The following ZNF69 variants were observed in gnomAD, a reference collection of about 807,000 sequenced individuals.
The protein encoded by ZNF69 is zinc finger protein 69.
In ZNF69, 47 loss-of-function variants were observed where a neutral mutation model predicts 50.9. The ratio of observed to expected loss-of-function variants is 0.92; its 90% CI spans 0.73 to 1.18. The LOEUF (loss-of-function observed/expected upper bound fraction) is 1.18. ZNF69 is among the 50% of genes most tolerant of loss of function. The pLI is 0.00. For synonymous variants in ZNF69, 216 were observed against 223.1 expected, an observed-to-expected ratio of 0.97 and a Z score of 0.29; for missense variants, 717 against 675.1, an observed-to-expected ratio of 1.06 and a Z score of -0.69.
the ZNF69 span, among the ~76,000 whole-genome samples, chr19:11,957,488 A>T: frequency 6.6e-6 from 1 of 152,134 alleles, no homozygotes; most frequent in Admixed American, 6.6e-5. Context: ...TGCAAGTAAA[A>T]ATAAAAATAT....
At position 11,905,063 on chromosome 19, in the gene ZNF69, T is replaced by C; in HGVS notation, c.666T>C (p.Cys222=). The part of the protein sequence containing the change: ...VMHSGDGPYK[C]KFCGKAFHCL... Reference sequence around the variant, plus strand: ...ACAGTGGGGATGGACCTTATAAATGTAAATTTTGTGGGAAAGCCTTCCATT... The same window carrying C: ...ACAGTGGGGATGGACCTTATAAATGCAAATTTTGTGGGAAAGCCTTCCATT... The change falls in exon 4 of 4, where the codon TGT becomes TGC. Residue 222 remains cysteine, a synonymous_variant. Coordinates refer to ENST00000429654, the MANE Select transcript of ZNF69 (RefSeq NM_001364730.1). 6.2e-7 allele frequency: 1 copy of C among 1,614,178 alleles called. No individual in the cohort carries two copies. The highest frequency in any genetic ancestry group is 8.5e-7 in the Non-Finnish European group (1 of 1,180,026).
the ZNF69 span, among the ~76,000 whole-genome samples, chr19:11,934,672 G>C: frequency 4.1e-5 from 6 of 147,288 alleles, no homozygotes; most frequent in Admixed American, 6.7e-5. Context: ...GATTACAGGC[G>C]TGCGCTGCCT....
chr19:11,920,348 G>C, the ZNF69 span, among the ~76,000 whole-genome samples: 1 of 152,076 alleles, frequency 6.6e-6, no homozygotes, highest in Admixed American at 6.6e-5. Context: ...CTTGATATCA[G>C]GTGATCCACT....
At chr19:11,921,206 C>T in the ZNF69 span, among the ~76,000 whole-genome samples, 1 of 151,928 alleles carries the variant, frequency 6.6e-6, no homozygotes, top group East Asian at 1.9e-4. Flanking sequence ...CATAGTATGG[C>T]TCTGTTTCCC....
At chr19:11,961,914 G>A in the ZNF69 span, among the ~76,000 whole-genome samples, 1 of 135,576 alleles carries the variant, frequency 7.4e-6, no homozygotes. Context: ...ACCACGCTTG[G>A]CCTCTTTTAC....
At chr19:11,925,255 A>T in the ZNF69 span, 3 of 1,612,606 alleles carry the variant, frequency 1.9e-6, no homozygotes, top group Non-Finnish European at 2.5e-6. Context: ...ACCCCGGTAC[A>T]TCTGAAAGCC....
At chr19:11,916,440 C>T (rs1328490494), downstream of ZNF69, among the ~76,000 whole-genome samples, 1 of 152,138 alleles carries the variant, frequency 6.6e-6, no homozygotes, top group Non-Finnish European at 1.5e-5. Flanking sequence ...CATGGTGAAA[C>T]ACCATCTCTA....
chr19:11,965,033 C>T, the ZNF69 span: 2 of 694,098 alleles, frequency 2.9e-6, no homozygotes, highest in East Asian at 3.0e-5. Flanking sequence ...CAGAGTGGGT[C>T]GCATTCCTGT....
the ZNF69 span, among the ~76,000 whole-genome samples, chr19:11,941,620 G>A: frequency 9.9e-5 from 15 of 152,194 alleles, no homozygotes; most frequent in African/African-American, 3.6e-4. Flanking sequence ...CGCCCACCCA[G>A]AACTCCAGCT....
At chr19:11,947,700 C>A in the ZNF69 span, 1 of 1,004,174 alleles carries the variant, frequency 1.0e-6, no homozygotes, top group Non-Finnish European at 1.5e-6. Context: ...AGAATATTTT[C>A]TCAAAAAACA....
intron 4 of ZNF69, among the ~76,000 whole-genome samples, chr19:11,913,094 G>A (rs2145255249): frequency 6.6e-6 from 1 of 152,030 alleles, no homozygotes; most frequent in East Asian, 2.0e-4. Flanking sequence ...CTACTCGGCA[G>A]GCTGAGGCAG....
the ZNF69 span, among the ~76,000 whole-genome samples, chr19:11,931,358 G>T: frequency 6.8e-6 from 1 of 147,930 alleles, no homozygotes; most frequent in Non-Finnish European, 1.5e-5. Context: ...GCTCTCCTGT[G>T]TCTTCTTATA....
chr19:11,957,086 A>T, the ZNF69 span, among the ~76,000 whole-genome samples: 1 of 150,912 alleles, frequency 6.6e-6, no homozygotes. Context: ...TTCAGTAAGA[A>T]ATAAGTTTTT....
the ZNF69 span, among the ~76,000 whole-genome samples, chr19:11,937,982 A>G: frequency 2.4e-4 from 37 of 152,224 alleles, no homozygotes; most frequent in Admixed American, 1.1e-3. Context: ...TAACTCCCAC[A>G]TGCTTAGCGT....
the ZNF69 span, among the ~76,000 whole-genome samples, chr19:11,936,547 C>G: frequency 6.6e-6 from 1 of 151,912 alleles, no homozygotes; most frequent in South Asian, 2.1e-4. Flanking sequence ...TTGTTTTTTT[C>G]TTGTAAGTTT....
At position 11,904,753 on chromosome 19, in the gene ZNF69, C is replaced by T; in HGVS notation, c.356C>T (p.Ala119Val). 6.2e-7 allele frequency: 1 copy of T among 1,613,154 alleles called. No individual in the cohort carries two copies. The highest frequency in any genetic ancestry group is 8.5e-7 in the Non-Finnish European group (1 of 1,179,602). Residue 119 changes from alanine to valine, a missense_variant, in exon 4 of 4, where the codon GCT becomes GTT. Transcript: ENST00000429654. Reference protein sequence around the residue: ...DDRLNFQEKKASPEIKSCDSF... With the variant: ...DDRLNFQEKKVSPEIKSCDSF... Reference sequence around the variant, plus strand: ...AGGCTGAACTTCCAGGAGAAGAAAGCTTCTCCTGAAATAAAATCATGTGAC... The same window carrying T: ...AGGCTGAACTTCCAGGAGAAGAAAGTTTCTCCTGAAATAAAATCATGTGAC...
At chr19:11,979,588 T>C in the ZNF69 span, 3 of 1,604,182 alleles carry the variant, frequency 1.9e-6, no homozygotes, top group Non-Finnish European at 2.6e-6. Context: ...CCAGTTCCTT[T>C]TGGTACCATG....
At chr19:11,890,813 G>A (rs1042342943) in intron 1 of ZNF69, among the ~76,000 whole-genome samples, 1 of 152,142 alleles carries the variant, frequency 6.6e-6, no homozygotes. Flanking sequence ...CTTTTATAAG[G>A]TACATGAGGA....
At chr19:11,921,108 G>T in the ZNF69 span, among the ~76,000 whole-genome samples, 1 of 152,076 alleles carries the variant, frequency 6.6e-6, no homozygotes, top group Non-Finnish European at 1.5e-5. Flanking sequence ...CTCAAACATT[G>T]GACTCAGTGT....
Sources: allele counts gnomAD v4.1 joint callset (sites outside exome capture counted in the v4.1 genomes callset), GRCh38; gene constraint gnomAD v4.1.1; transcripts MANE v1.5; gene names NCBI Gene and HGNC (gene_info 2026-07-23, HGNC 2026-07-21).